CCDC148: variants seen among roughly 807,000 people sequenced by gnomAD.
CCDC148 encodes the protein coiled-coil domain containing 148, also known as coiled-coil domain-containing protein 148.
In CCDC148, 89 loss-of-function variants were observed where a neutral mutation model predicts 85.7. That is an observed-to-expected ratio of 1.04 (90% CI 0.87 to 1.24). The LOEUF is 1.24. Ranked by LOEUF, CCDC148 falls within the 50% of genes most tolerant of loss-of-function variation. CCDC148 has a pLI of 0.00. For synonymous variants in CCDC148, 230 were observed against 213.9 expected (o/e 1.08, Z -0.66); for missense variants, 692 against 671.7 (o/e 1.03, Z -0.33).
chr2:158,252,455 T>C (rs1447438808), intron 9 of CCDC148, among the ~76,000 whole-genome samples: 2 of 151,708 alleles, frequency 1.3e-5, no homozygotes, highest in Non-Finnish European at 3.0e-5. Flanking sequence ...ATCTTCCATC[T>C]TTCACTTGCT....
At chr2:158,308,766 T>C (rs948893503) in intron 9 of CCDC148, among the ~76,000 whole-genome samples, 2 of 152,174 alleles carry the variant, frequency 1.3e-5, no homozygotes, top group African/African-American at 2.4e-5. Context: ...TCCTGTGGAA[T>C]GCAATTATTC....
At chr2:158,279,219 C>A (rs558829495) in intron 9 of CCDC148, among the ~76,000 whole-genome samples, 3 of 152,134 alleles carry the variant, frequency 2.0e-5, no homozygotes, top group Non-Finnish European at 4.4e-5. Context: ...AAAAGCAGAG[C>A]ACCTCTCCTC....
intron 1 of CCDC148, among the ~76,000 whole-genome samples, chr2:158,409,080 A>G (rs1169631855): frequency 6.6e-6 from 1 of 151,980 alleles, no homozygotes; most frequent in Non-Finnish European, 1.5e-5. Context: ...AGAGAAATAT[A>G]TATATGTATA....
chr2:158,199,055 G>C (rs1274071284), intron 11 of CCDC148, among the ~76,000 whole-genome samples: 3 of 152,060 alleles, frequency 2.0e-5, no homozygotes, highest in African/African-American at 7.2e-5. Context: ...GGTATGTATA[G>C]GCTTGATAGG....
intron 11 of CCDC148, among the ~76,000 whole-genome samples, chr2:158,208,588 A>G (rs934069884): frequency 1.1e-4 from 17 of 152,172 alleles, no homozygotes; most frequent in African/African-American, 3.6e-4. Flanking sequence ...TTGCCAGCAG[A>G]GATGCCCAAT....
rs1216737796 is a variant in CCDC148, at chr2:158,339,012, T to C, written c.560A>G (p.Asp187Gly). ...TACCTTTATACTCCAGTCTGAAAGA[T>C]CATTTTCTATTCTCTGTTGCTCCAG... ...LRLEQQRIENDLSDWSIKILD... is the reference protein window; with the variant it reads ...LRLEQQRIENGLSDWSIKILD... The change falls in exon 6 of 14, where the codon GAT (aspartate) becomes GGT (glycine). Residue 187 changes from aspartate (D) to glycine (G), a missense_variant. Asp to Gly is a moderately conservative substitution (Grantham distance 94). Transcript: ENST00000283233. 2 of 1,613,670 alleles carry C rather than the reference T, an allele frequency of 1.2e-6. No homozygotes were observed. Among genetic ancestry groups the C allele is most frequent in the African/African-American group, 2.7e-5 (2 of 74,922 alleles).
chr2:158,198,220 C>T (rs1685775319), intron 11 of CCDC148, among the ~76,000 whole-genome samples: 1 of 152,162 alleles, frequency 6.6e-6, no homozygotes, highest in South Asian at 2.1e-4. Flanking sequence ...AGTGCTACTT[C>T]CGTGTGTGTC....
Position 158,340,686 on chromosome 2 carries a change from A to G in CCDC148, c.252-6T>C, listed in dbSNP as rs775463166. The G allele has an allele frequency of 6.9e-7, 1 of 1,441,838 alleles. No individual in the cohort carries two copies. The highest frequency in any genetic ancestry group is 1.2e-5 in the South Asian group (1 of 81,970). 89.3% of individuals were successfully genotyped at this position (1,441,838 alleles called of 1,614,324 possible). A position where few individuals can be genotyped will look rare whatever the true frequency, so the allele number is the denominator to read the frequency against. ...TTTCAGATTCCATTTTACATCTGAA[A>G]TAGATGTGATCTCAATAAATGTTAC... is the stretch of plus-strand genomic sequence containing the variant. On this transcript the variant is annotated splice_region_variant and splice_polypyrimidine_tract_variant and intron_variant, in intron 3 of 13. Transcript: ENST00000283233.
rs2105276663 is a variant in CCDC148, at chr2:158,367,824, G to A, written c.26-9254C>T. ...CTACTTGCCTTTCAAAAACATTGAG[G>A]GCCTGTGAACTAAAGCTGAGGTATT... is the stretch of plus-strand genomic sequence containing the variant. On this transcript the variant is annotated intron_variant, in intron 1 of 13. Transcript: ENST00000283233. Among the ~76,000 whole-genome samples the A allele has an allele frequency of 2.0e-5, 3 of 152,158 alleles. No individual in the cohort carries two copies. In the Middle Eastern group the frequency reaches 0.01, roughly 518 times the overall value.
rs571169362 is a variant in CCDC148, at chr2:158,402,061, T to C, written c.26-43491A>G. Among the ~76,000 whole-genome samples the C allele has an allele frequency of 1.5e-4, 23 of 152,152 alleles. No individual in the cohort carries two copies. In the South Asian group the frequency reaches 4.6e-3, roughly 30 times the overall value. The stretch of plus-strand genomic sequence containing the variant: ...GTGTATTTAATGTACCTAATACCCA[T>C]AGGCAGGACTTGTATCATCAACACT... On this transcript the variant is annotated intron_variant, in intron 1 of 13. Coordinates refer to ENST00000283233, the MANE Select transcript of CCDC148 (RefSeq NM_138803.4).
chr2:158,181,263 T>A (rs1284810422), intron 11 of CCDC148, among the ~76,000 whole-genome samples: 1 of 152,122 alleles, frequency 6.6e-6, no homozygotes. Flanking sequence ...GCTTGACTAG[T>A]GAGGAAGAAA....
chr2:158,429,363 A>G (rs948544054), intron 1 of CCDC148, among the ~76,000 whole-genome samples: 2 of 90,332 alleles, frequency 2.2e-5, no homozygotes, highest in African/African-American at 7.8e-5. Flanking sequence ...GAGCATGAAT[A>G]GATAGATAGA....
intron 2 of CCDC148, among the ~76,000 whole-genome samples, chr2:158,351,400 G>C (rs989288384): frequency 1.8e-4 from 27 of 152,190 alleles, no homozygotes; most frequent in Non-Finnish European, 3.4e-4. Context: ...AGCCGAAGCA[G>C]GGCGAGGCAC....
intron 9 of CCDC148, among the ~76,000 whole-genome samples, chr2:158,253,396 C>A (rs1688878142): frequency 1.3e-5 from 2 of 151,620 alleles, no homozygotes; most frequent in Non-Finnish European, 3.0e-5. Context: ...ACTCAAAGTA[C>A]CCCCTGCTTG....
chr2:158,345,650 C>A (rs1682959973), intron 2 of CCDC148, among the ~76,000 whole-genome samples: 1 of 152,110 alleles, frequency 6.6e-6, no homozygotes, highest in Non-Finnish European at 1.5e-5. Flanking sequence ...TTTCATTTCT[C>A]CCCTTTTGGA....
chr2:158,239,562 G>GATAAT (rs986507069), intron 10 of CCDC148, among the ~76,000 whole-genome samples: 233 of 124,876 alleles, frequency 1.9e-3, no homozygotes, highest in Non-Finnish European at 2.8e-3. Flanking sequence ...ATGTTAGAAG[G>GATAAT]TTAATTTAAT....
At chr2:158,284,976 GATAAC>G (rs1690545757) in intron 9 of CCDC148, among the ~76,000 whole-genome samples, 1 of 152,094 alleles carries the variant, frequency 6.6e-6, no homozygotes, top group African/African-American at 2.4e-5. Context: ...TTCCAAAACT[GATAAC>G]TGATATTAAG....
At chr2:158,406,615 T>TTTTTTTTCTGTTTTCTTTTTTTG (rs1337404869) in intron 1 of CCDC148, among the ~76,000 whole-genome samples, 2 of 67,962 alleles carry the variant, frequency 2.9e-5, no homozygotes, top group Non-Finnish European at 5.6e-5. Context: ...TTAAATTTCT[T>TTTTTTTTCTGTTTTCTTTTTTTG]TTTTTTTTTT....
At chr2:158,286,848 G>T (rs540805115) in intron 9 of CCDC148, among the ~76,000 whole-genome samples, 2 of 152,172 alleles carry the variant, frequency 1.3e-5, no homozygotes, top group African/African-American at 4.8e-5. Flanking sequence ...TTATGGGTCT[G>T]AGTATTAGAG....
Sources: gnomAD v4.1 joint callset for allele counts (sites outside exome capture counted in the v4.1 genomes callset) on GRCh38, gnomAD v4.1.1 for gene constraint, MANE v1.5 for transcripts, NCBI Gene and HGNC (gene_info 2026-07-23, HGNC 2026-07-21) for gene names.